Variants in RBMS2 observed in about 807,000 individuals in gnomAD.
RBMS2 encodes RNA-binding motif, single-stranded-interacting protein 2.
In RBMS2, 38 loss-of-function variants were observed where a neutral mutation model predicts 58.4. The ratio of observed to expected loss-of-function variants is 0.65; its 90% CI spans 0.50 to 0.85. RBMS2 has a LOEUF of 0.85. Among genes scored for constraint, RBMS2 ranks in the 40% least tolerant of loss-of-function variants. RBMS2 has a pLI of 0.00. For missense variants in RBMS2, 367 were observed against 503.7 expected (o/e 0.73, Z 2.60); for synonymous variants, 151 against 180.7 (o/e 0.84, Z 1.32).
At chr12:56,548,352 CAGG>C (rs1877637082) in intron 1 of RBMS2, among the ~76,000 whole-genome samples, 1 of 152,116 alleles carries the variant, frequency 6.6e-6, no homozygotes, top group Non-Finnish European at 1.5e-5. Context: ...GAGGCTGAGG[CAGG>C]AGAATTGCTT....
At chr12:56,558,038 CTTTTTTTTTTTT>C (rs34784910) in intron 1 of RBMS2, among the ~76,000 whole-genome samples, 342 of 28,568 alleles carry the variant, frequency 0.012, 7 homozygotes, top group African/African-American at 0.041. Flanking sequence ...CTCGCCCGGG[CTTTTTTTTTTTT>C]TTTTTTTTTT....
At chr12:56,524,775 A>G (rs1381937287) in intron 1 of RBMS2, among the ~76,000 whole-genome samples, 1 of 152,030 alleles carries the variant, frequency 6.6e-6, no homozygotes, top group Non-Finnish European at 1.5e-5. Context: ...GCTGGAATGC[A>G]GTGGCGTGAT....
intron 5 of RBMS2, among the ~76,000 whole-genome samples, chr12:56,577,767 C>A (rs1883353393): frequency 6.6e-6 from 1 of 152,156 alleles, no homozygotes; most frequent in Non-Finnish European, 1.5e-5. Context: ...ATGGCAACCT[C>A]TGCCTCCCAG....
At chr12:56,530,714 G>T (rs969857354) in intron 1 of RBMS2, among the ~76,000 whole-genome samples, 1 of 152,142 alleles carries the variant, frequency 6.6e-6, no homozygotes, top group Non-Finnish European at 1.5e-5. Context: ...AGAGAATCAT[G>T]ACCAGTTACT....
At chr12:56,574,928 C>T (rs941279024) in intron 5 of RBMS2, among the ~76,000 whole-genome samples, 3 of 152,268 alleles carry the variant, frequency 2.0e-5, no homozygotes, top group Admixed American at 2.0e-4. Context: ...GCGGGCGGAT[C>T]ATGAGGTCAG....
intron 1 of RBMS2, among the ~76,000 whole-genome samples, chr12:56,558,768 G>A (rs1367803604): frequency 1.5e-5 from 1 of 66,938 alleles, no homozygotes; most frequent in Non-Finnish European, 4.7e-5. Flanking sequence ...CCTAATTTTT[G>A]CATTTTTTTT....
chr12:56,572,993 C>T, intron 5 of RBMS2: 1 of 977,964 alleles, frequency 1.0e-6, no homozygotes, highest in Non-Finnish European at 1.2e-6. Flanking sequence ...TCCCTTAGCC[C>T]ACTTAAGAAA....
rs553476518 is a variant in RBMS2, at chr12:56,581,177, T to C, written c.543-7T>C. 1.3e-5 allele frequency: 21 copies of C among 1,585,598 alleles called. No homozygotes were observed. Among genetic ancestry groups the C allele is most frequent in the Non-Finnish European group, 1.7e-5 (20 of 1,154,930 alleles). Reference sequence around the variant, plus strand: ...AGCTAGAGCCTAACCCCTCTTATGCTCCTTAGGATGGAGTCCACAGAGAAG... The same window carrying C: ...AGCTAGAGCCTAACCCCTCTTATGCCCCTTAGGATGGAGTCCACAGAGAAG... On this transcript the variant is annotated splice_region_variant and splice_polypyrimidine_tract_variant and intron_variant, in intron 5 of 13. Transcript: ENST00000262031.
intron 1 of RBMS2, among the ~76,000 whole-genome samples, chr12:56,532,142 C>T (rs1873854914): frequency 6.6e-6 from 1 of 152,104 alleles, no homozygotes; most frequent in African/African-American, 2.4e-5. Flanking sequence ...TCGCTTGAAC[C>T]CAGGAGGTAG....
intron 1 of RBMS2, among the ~76,000 whole-genome samples, chr12:56,557,567 G>C (rs770370079): frequency 2.6e-4 from 40 of 152,136 alleles, no homozygotes; most frequent in Non-Finnish European, 4.9e-4. Flanking sequence ...CTCAATAAAG[G>C]CAGAAAAGTT....
intron 9 of RBMS2, among the ~76,000 whole-genome samples, chr12:56,586,111 G>A (rs546963230): frequency 9.9e-5 from 15 of 152,178 alleles, no homozygotes; most frequent in South Asian, 6.2e-4. Context: ...GGCATATCAC[G>A]AGGTCAGGAG....
intron 1 of RBMS2, among the ~76,000 whole-genome samples, chr12:56,550,942 T>A (rs1205626251): frequency 6.6e-6 from 1 of 151,686 alleles, no homozygotes; most frequent in African/African-American, 2.4e-5. Context: ...AAGACCAGCC[T>A]AAACAACATA....
At position 56,538,008 on chromosome 12, in the gene RBMS2, C is replaced by A. The variant is rs530834644; in HGVS notation, c.66+15919C>A. ...CTTTGGAGATAAGTCTATTCAAGTCCTTTGCTTATTTTATTTTATTTATTT... is the reference window on the plus strand; with the variant it reads ...CTTTGGAGATAAGTCTATTCAAGTCATTTGCTTATTTTATTTTATTTATTT... On this transcript the variant is annotated intron_variant, in intron 1 of 13. Coordinates refer to ENST00000262031, the MANE Select transcript of RBMS2 (RefSeq NM_002898.4). Among the ~76,000 whole-genome samples, 2 of 144,376 alleles carry A rather than the reference C, an allele frequency of 1.4e-5. 1 individual carries two copies. The highest frequency in any genetic ancestry group is 1.5e-4 in the Admixed American group (2 of 13,624). 94.7% of individuals were successfully genotyped at this position (144,376 alleles called of 152,430 possible). A position where few individuals can be genotyped will look rare whatever the true frequency, so the allele number is the denominator to read the frequency against.
intron 1 of RBMS2, among the ~76,000 whole-genome samples, chr12:56,540,770 A>G (rs1005559574): frequency 1.3e-5 from 2 of 152,182 alleles, no homozygotes; most frequent in African/African-American, 4.8e-5. Flanking sequence ...CAACTTATCC[A>G]AAGTCACACA....
rs964861914 is a variant in RBMS2 at position 56,594,132 on chromosome 12, G to A, written c.*4999G>A. On this transcript the variant is annotated 3_prime_UTR_variant, in exon 14 of 14. Coordinates refer to ENST00000262031, the MANE Select transcript of RBMS2 (RefSeq NM_002898.4). ...TGTCACTCCAATGTCAACCCATTGG[G>A]AGTTGAGGCCTGTCACTCCAATGTC... 1.2e-4 allele frequency: 19 copies of A among 152,186 alleles called. No homozygotes were observed. The highest frequency in any genetic ancestry group is 3.9e-4 in the African/African-American group (16 of 41,412). The allele number at this position is 152,186 out of a possible 1,614,324, so 9.4% of individuals were successfully genotyped here. A position where few individuals can be genotyped will look rare whatever the true frequency, so the allele number is the denominator to read the frequency against.
intron 1 of RBMS2, among the ~76,000 whole-genome samples, chr12:56,526,163 C>T (rs538105594): frequency 1.3e-4 from 20 of 151,524 alleles, no homozygotes; most frequent in South Asian, 6.3e-4. Flanking sequence ...AAAAATTAGC[C>T]GGGTATGGTG....
At chr12:56,545,490 A>G (rs969606949) in intron 1 of RBMS2, among the ~76,000 whole-genome samples, 1 of 152,194 alleles carries the variant, frequency 6.6e-6, no homozygotes, top group African/African-American at 2.4e-5. Context: ...TAGTATATGC[A>G]GTTTTGCATC....
chr12:56,555,524 G>C (rs534160110), intron 1 of RBMS2, among the ~76,000 whole-genome samples: 4 of 151,688 alleles, frequency 2.6e-5, no homozygotes, highest in African/African-American at 9.7e-5. Context: ...GGAGGCTGAA[G>C]TGGGAGGATT....
rs1313974313 is a variant in RBMS2 at position 56,558,368 on chromosome 12, G to A, written c.67-4049G>A. On this transcript the variant is annotated intron_variant, in intron 1 of 13. Transcript: ENST00000262031. ...TCTCTTCAATTTATTTATTTCCCCA[G>A]TAACCCTTGTATTCTTGTTTGGACA... 3.7e-5 allele frequency among the ~76,000 whole-genome samples: 4 copies of A among 107,648 alleles called. No homozygotes were observed. In the East Asian group the frequency reaches 1.1e-3, roughly 30 times the overall value. The allele number at this position is 107,648 out of a possible 152,430, so 70.6% of individuals were successfully genotyped here.
Sources: allele counts gnomAD v4.1 joint callset (sites outside exome capture counted in the v4.1 genomes callset), GRCh38; gene constraint gnomAD v4.1.1; transcripts MANE v1.5; gene names NCBI Gene and HGNC (gene_info 2026-07-23, HGNC 2026-07-21).